SHOC2: variants seen among roughly 807,000 people sequenced by gnomAD.
SHOC2 encodes the protein SHOC2 leucine rich repeat scaffold protein.
Under a neutral mutation model 50.2 loss-of-function variants are expected in SHOC2, and 4 were observed. That is an observed-to-expected ratio of 0.08 (90% CI 0.04 to 0.18). The LOEUF (loss-of-function observed/expected upper bound fraction) is 0.18. SHOC2 is among the 10% of genes least tolerant of loss of function. The pLI, the probability that SHOC2 is intolerant of heterozygous loss-of-function variation, is 1.00. For missense variants in SHOC2, 388 were observed against 669.6 expected, an observed-to-expected ratio of 0.58 and a Z score of 4.64; for synonymous variants, 218 against 244.5, an observed-to-expected ratio of 0.89 and a Z score of 1.01.
At chr10:110,976,621 T>C (rs1187747907) in intron 2 of SHOC2, among the ~76,000 whole-genome samples, 1 of 152,192 alleles carries the variant, frequency 6.6e-6, no homozygotes. Context: ...TGCCTTCGTT[T>C]TTGAAAGCTG....
At chr10:110,965,453 C>G (rs1847654729) in intron 2 of SHOC2, among the ~76,000 whole-genome samples, 1 of 152,072 alleles carries the variant, frequency 6.6e-6, no homozygotes, top group Non-Finnish European at 1.5e-5. Context: ...ACTTTTCCAC[C>G]TTTATCTGAA....
At chr10:111,000,753 T>A (rs1306909673) in intron 4 of SHOC2, among the ~76,000 whole-genome samples, 1 of 152,208 alleles carries the variant, frequency 6.6e-6, no homozygotes, top group African/African-American at 2.4e-5. Context: ...GATTATTATT[T>A]TTTTAATGTA....
At chr10:110,932,419 G>A (rs1278042975) in intron 1 of SHOC2, among the ~76,000 whole-genome samples, 8 of 152,160 alleles carry the variant, frequency 5.3e-5, no homozygotes, top group Admixed American at 4.6e-4. Flanking sequence ...AGTGGATATG[G>A]TGAGACCAGT....
intron 4 of SHOC2, among the ~76,000 whole-genome samples, chr10:111,001,543 G>A (rs1021336749): frequency 4.6e-5 from 7 of 152,020 alleles, no homozygotes; most frequent in East Asian, 1.9e-4. Context: ...TTAGCATGTC[G>A]ACAATGGATG....
intron 3 of SHOC2, among the ~76,000 whole-genome samples, chr10:110,990,241 C>G (rs1208183279): frequency 1.3e-5 from 2 of 152,198 alleles, no homozygotes; most frequent in Admixed American, 1.3e-4. Flanking sequence ...CTGGTGGGGA[C>G]GTGGAGAGTC....
intron 1 of SHOC2, among the ~76,000 whole-genome samples, chr10:110,935,639 CTT>C (rs1229753703): frequency 1.3e-5 from 2 of 151,642 alleles, no homozygotes; most frequent in African/African-American, 4.8e-5. Flanking sequence ...TAATATGAGA[CTT>C]TTTTTTCAAT....
intron 3 of SHOC2, among the ~76,000 whole-genome samples, chr10:110,991,707 T>A (rs1456536591): frequency 1.3e-5 from 2 of 152,242 alleles, no homozygotes; most frequent in African/African-American, 4.8e-5. Flanking sequence ...GTGGGAAACT[T>A]TGACGTTTGG....
intron 1 of SHOC2, among the ~76,000 whole-genome samples, chr10:110,935,488 T>C (rs1487499428): frequency 1.3e-5 from 2 of 152,222 alleles, no homozygotes; most frequent in African/African-American, 2.4e-5. Flanking sequence ...ACTGCTGTTA[T>C]AGATGATGCT....
At chr10:110,931,751 A>T (rs1463117560) in intron 1 of SHOC2, among the ~76,000 whole-genome samples, 1 of 152,178 alleles carries the variant, frequency 6.6e-6, no homozygotes, top group Non-Finnish European at 1.5e-5. Flanking sequence ...AGAGTTATTT[A>T]TAGAGTAAAA....
At chr10:110,972,194 G>A (rs1165397121) in intron 2 of SHOC2, among the ~76,000 whole-genome samples, 2 of 150,988 alleles carry the variant, frequency 1.3e-5, no homozygotes, top group Non-Finnish European at 3.0e-5. Context: ...CAAGATTTTA[G>A]TATTATATAC....
At chr10:111,007,427 AAT>A (rs1279802802) in intron 5 of SHOC2, 102 bp from the exon 6 acceptor site, 1 of 1,277,990 alleles carries the variant, frequency 7.8e-7, no homozygotes, top group East Asian at 2.4e-5. Flanking sequence ...CAAAAAGGGG[AAT>A]AAGATTTTGT....
At chr10:111,001,368 T>A (rs1311488290) in intron 4 of SHOC2, among the ~76,000 whole-genome samples, 1 of 152,108 alleles carries the variant, frequency 6.6e-6, no homozygotes, top group African/African-American at 2.4e-5. Flanking sequence ...TTGGCCAGGC[T>A]GGTCTCGAGC....
intron 1 of SHOC2, among the ~76,000 whole-genome samples, chr10:110,959,605 G>A (rs1847534287): frequency 6.6e-6 from 1 of 152,176 alleles, no homozygotes. Context: ...AGAATCACCT[G>A]GAAAACTCTT....
intron 3 of SHOC2, among the ~76,000 whole-genome samples, chr10:110,989,196 G>C (rs1848136533): frequency 6.6e-6 from 1 of 152,186 alleles, no homozygotes; most frequent in African/African-American, 2.4e-5. Flanking sequence ...CCATAAATAT[G>C]AATCATGGTA....
At chr10:110,948,284 TATA>T (rs1174469887) in intron 1 of SHOC2, among the ~76,000 whole-genome samples, 1 of 152,156 alleles carries the variant, frequency 6.6e-6, no homozygotes, top group Non-Finnish European at 1.5e-5. Context: ...TAGATAGTAA[TATA>T]ATAATAGGGA....
In SHOC2 at chr10:110,964,243, T is replaced by G; in HGVS notation, c.-116T>G. ...CAGATGGATGTTACTCCATGCTGAT[T>G]ACTTCTTCAAGCCAGTACTTTTTTG... On this transcript the variant is annotated 5_prime_UTR_variant, in exon 2 of 9. It adds an upstream start codon to the 5' untranslated region. Coordinates refer to ENST00000369452, the MANE Select transcript of SHOC2 (RefSeq NM_007373.4). This position sits in a 1 kb window ranked among gnomAD's most constrained non-coding sequence, Gnocchi z 4.9. 6.7e-7 allele frequency: 1 copy of G among 1,486,352 alleles called. No homozygotes were observed. Among genetic ancestry groups the G allele is most frequent in the South Asian group, 1.3e-5 (1 of 78,196 alleles). The allele number at this position is 1,486,352 out of a possible 1,614,324, so 92.1% of individuals were successfully genotyped here. A position where few individuals can be genotyped will look rare whatever the true frequency, so the allele number is the denominator to read the frequency against.
chr10:110,998,159 C>T (rs1848302780), intron 3 of SHOC2, among the ~76,000 whole-genome samples: 2 of 151,868 alleles, frequency 1.3e-5, no homozygotes, highest in Non-Finnish European at 2.9e-5. Flanking sequence ...ACCACCATGC[C>T]CGGATAATTT....
intron 3 of SHOC2, among the ~76,000 whole-genome samples, chr10:110,986,751 C>T (rs190078798): frequency 6.6e-6 from 1 of 152,314 alleles, no homozygotes; most frequent in African/African-American, 2.4e-5. Flanking sequence ...GCTGGGATTA[C>T]AGGCCTTAGC....
chr10:111,010,775 A>G (rs1057047280), intron 8 of SHOC2, among the ~76,000 whole-genome samples: 1 of 152,214 alleles, frequency 6.6e-6, no homozygotes. Context: ...TAAACTCCCT[A>G]AGCCTCAAGT....
Sources: allele counts gnomAD v4.1 joint callset (sites outside exome capture counted in the v4.1 genomes callset), GRCh38; gene constraint gnomAD v4.1.1; non-coding constraint Gnocchi (gnomAD v3.1); transcripts MANE v1.5; gene names NCBI Gene and HGNC (gene_info 2026-07-23, HGNC 2026-07-21).